Variants in PHACTR2 observed in about 807,000 individuals in gnomAD.
The protein encoded by PHACTR2 is phosphatase and actin regulator 2.
A neutral mutation model predicts 76.0 loss-of-function variants in PHACTR2; 30 were observed. The observed-to-expected ratio is 0.39, with a 90% confidence interval of 0.30 to 0.54. PHACTR2 has a LOEUF of 0.54. Ranked by LOEUF, PHACTR2 falls within the 20% of genes least tolerant of loss-of-function variation. PHACTR2 has a pLI of 0.61. For missense variants in PHACTR2, 696 were observed against 781.1 expected (o/e 0.89, Z 1.30); for synonymous variants, 292 against 292.5 (o/e 1.00, Z 0.02).
chr6:143,667,480 TATG>T (rs1165592538), intron 1 of PHACTR2, among the ~76,000 whole-genome samples: 1 of 152,006 alleles, frequency 6.6e-6, no homozygotes, highest in Non-Finnish European at 1.5e-5. Flanking sequence ...TGGCCATTTT[TATG>T]ATATTGATTC....
At chr6:143,579,577 C>G (rs117371742) in intron 1 of PHACTR2, among the ~76,000 whole-genome samples, 1 of 151,876 alleles carries the variant, frequency 6.6e-6, no homozygotes, top group Non-Finnish European at 1.5e-5. Context: ...CCAAGGAACC[C>G]CCCCAATAAG....
At chr6:143,607,767 C>T (rs1276586912), upstream of PHACTR2, among the ~76,000 whole-genome samples, 1 of 152,156 alleles carries the variant, frequency 6.6e-6, no homozygotes, top group Non-Finnish European at 1.5e-5. Flanking sequence ...CCAACAACAA[C>T]CAAAACACTT....
At chr6:143,690,185 T>C (rs568120327) in intron 1 of PHACTR2, among the ~76,000 whole-genome samples, 1 of 152,366 alleles carries the variant, frequency 6.6e-6, no homozygotes, top group Admixed American at 6.5e-5. Flanking sequence ...TCTCTTGTTA[T>C]GTATTTAACG....
At position 143,625,591 on chromosome 6, in the gene PHACTR2, T is replaced by C. The variant is rs772373459; in HGVS notation, c.13+17269T>C. 2.6e-5 allele frequency among the ~76,000 whole-genome samples: 4 copies of C among 152,238 alleles called. No homozygotes were observed. The highest frequency in any genetic ancestry group is 4.4e-5 in the Non-Finnish European group (3 of 68,040). On this transcript the variant is annotated intron_variant, in intron 1 of 11. Transcript: ENST00000305766. This position sits in a 1 kb window ranked among gnomAD's most constrained non-coding sequence, Gnocchi z 4.3. ...CAATAGATGTAATATCACCAGTGAC[T>C]GTGGGAACTTTGCAATTTGCTAAAA... is the stretch of plus-strand genomic sequence containing the variant.
In PHACTR2 at chr6:143,611,537, T is replaced by C. The variant is rs1366293720; in HGVS notation, c.13+3215T>C. Reference sequence around the variant, plus strand: ...AGTAATAGAAACTCTATGCATTTAATTTTCTCATTGGTAAGGGGTGACAAT... The same window carrying C: ...AGTAATAGAAACTCTATGCATTTAACTTTCTCATTGGTAAGGGGTGACAAT... On this transcript the variant is annotated intron_variant, in intron 1 of 11. Coordinates refer to the PHACTR2 transcript ENST00000305766. This position sits in a 1 kb window ranked among gnomAD's most constrained non-coding sequence, Gnocchi z 4.4. 6.6e-6 allele frequency among the ~76,000 whole-genome samples: 1 copy of C among 152,210 alleles called. No individual in the cohort carries two copies. Among genetic ancestry groups the C allele is most frequent in the African/African-American group, 2.4e-5 (1 of 41,448 alleles).
rs1776958871 is a variant in PHACTR2 at position 143,662,210 on chromosome 6, T to C, written c.14-49806T>C. On this transcript the variant is annotated intron_variant, in intron 1 of 11. Coordinates refer to the PHACTR2 transcript ENST00000305766. The surrounding 1 kb of genome is among the most constrained non-coding windows in gnomAD (Gnocchi z 4.7). ...ATCCATTTTATATTAAAAAGCCTCT[T>C]CAATATGCACAACTTACCCTAGAGA... is the stretch of plus-strand genomic sequence containing the variant. Among the ~76,000 whole-genome samples the C allele has an allele frequency of 6.6e-6, 1 of 152,160 alleles. No homozygotes were observed. Among genetic ancestry groups the C allele is most frequent in the Non-Finnish European group, 1.5e-5 (1 of 68,018 alleles).
chr6:143,710,519 C>A lies in PHACTR2; in HGVS notation c.47-1497C>A, dbSNP rs538555164. ...ACCAGCCTGGGCAACATGGTGAAACCCCGTCTCTACTAAAAATACAAAAAT... is the reference window on the plus strand; with the variant it reads ...ACCAGCCTGGGCAACATGGTGAAACACCGTCTCTACTAAAAATACAAAAAT... On this transcript the variant is annotated intron_variant, in intron 1 of 12. Coordinates refer to ENST00000440869, the MANE Select transcript of PHACTR2 (RefSeq NM_001100164.2). This position sits in a 1 kb window ranked among gnomAD's most constrained non-coding sequence, Gnocchi z 4.9. Among the ~76,000 whole-genome samples the A allele has an allele frequency of 8.9e-4, 136 of 152,164 alleles. 1 individual carries two copies. The highest frequency in any genetic ancestry group is 3.2e-3 in the African/African-American group (131 of 41,508).
intron 1 of PHACTR2, among the ~76,000 whole-genome samples, chr6:143,668,360 T>C (rs2128450068): frequency 6.6e-6 from 1 of 152,216 alleles, no homozygotes; most frequent in East Asian, 1.9e-4. Flanking sequence ...CTCTGCCAGG[T>C]TTTGGTATCA....
intron 1 of PHACTR2, among the ~76,000 whole-genome samples, chr6:143,702,200 C>G (rs1010424744): frequency 1.4e-5 from 2 of 147,992 alleles, no homozygotes; most frequent in Admixed American, 1.4e-4. Context: ...CTCCGCCTTC[C>G]TGGTTCAAGC....
chr6:143,643,290 C>T (rs776298098), intron 1 of PHACTR2, among the ~76,000 whole-genome samples: 5 of 152,118 alleles, frequency 3.3e-5, no homozygotes, highest in Admixed American at 6.5e-5. Flanking sequence ...CCAAATTTAA[C>T]GTCCCTTCTA....
At position 143,664,172 on chromosome 6, in the gene PHACTR2, T is replaced by G. The variant is rs1776994046; in HGVS notation, c.14-47844T>G. Among the ~76,000 whole-genome samples, 1 of 152,152 alleles carries G rather than the reference T, an allele frequency of 6.6e-6. No individual in the cohort carries two copies. The highest frequency in any genetic ancestry group is 1.5e-5 in the Non-Finnish European group (1 of 67,992). ...ATAATATGTCCCTCTATACTATTTG[T>G]TATTTTACCTTCAGTTTTAATTTAT... On this transcript the variant is annotated intron_variant, in intron 1 of 11. Transcript: ENST00000305766. The surrounding 1 kb of genome is among the most constrained non-coding windows in gnomAD (Gnocchi z 5.1).
Position 143,547,592 on chromosome 6 carries a change from G to T in PHACTR2, c.217+10385G>T, listed in dbSNP as rs1775019554. ...GACATTTGTAGAAGGGACCCAATCA[G>T]ATATGAATGAGAGGATTACTAAGTA... On this transcript the variant is annotated intron_variant, in intron 1 of 11. Coordinates refer to the PHACTR2 transcript ENST00000367584. The surrounding 1 kb of genome is among the most constrained non-coding windows in gnomAD (Gnocchi z 4.2). Among the ~76,000 whole-genome samples, 1 of 152,208 alleles carries T rather than the reference G, an allele frequency of 6.6e-6. No homozygotes were observed. The highest frequency in any genetic ancestry group is 1.5e-5 in the Non-Finnish European group (1 of 68,044).
chr6:143,771,158 G>GTATATATATATATGTGTATA (rs1775100314), intron 6 of PHACTR2, among the ~76,000 whole-genome samples: 1 of 14,562 alleles, frequency 6.9e-5, no homozygotes, highest in African/African-American at 1.5e-4. Flanking sequence ...ATATATATAT[G>GTATATATATATATGTGTATA]TATATATATA....
chr6:143,655,780 C>G (rs922589456), intron 1 of PHACTR2, among the ~76,000 whole-genome samples: 1 of 152,200 alleles, frequency 6.6e-6, no homozygotes, highest in Non-Finnish European at 1.5e-5. Flanking sequence ...CACATACTTG[C>G]TATTATCTCT....
chr6:143,829,790 C>T lies in PHACTR2; in HGVS notation c.*6101C>T, dbSNP rs1197369110. 2 of 152,030 alleles carry T rather than the reference C, an allele frequency of 1.3e-5. No individual in the cohort carries two copies. The highest frequency in any genetic ancestry group is 1.9e-4 in the East Asian group (1 of 5,196). 9.4% of individuals were successfully genotyped at this position (152,030 alleles called of 1,614,324 possible). A position where few individuals can be genotyped will look rare whatever the true frequency, so the allele number is the denominator to read the frequency against. On this transcript the variant is annotated 3_prime_UTR_variant, in exon 13 of 13. Coordinates refer to ENST00000440869, the MANE Select transcript of PHACTR2 (RefSeq NM_001100164.2). ...CTAAATTGTTTTTGGGGCCGAGTAA[C>T]GCAGAGTCAATAAAGGTGGTTATAT...
chr6:143,555,758 C>G (rs149985318), intron 1 of PHACTR2, among the ~76,000 whole-genome samples: 4 of 152,106 alleles, frequency 2.6e-5, no homozygotes, highest in Admixed American at 2.6e-4. Context: ...CCTACCTCAT[C>G]GTGTGAATTG....
At chr6:143,736,319 C>T (rs1778818701) in intron 2 of PHACTR2, among the ~76,000 whole-genome samples, 1 of 152,042 alleles carries the variant, frequency 6.6e-6, no homozygotes, top group Non-Finnish European at 1.5e-5. Flanking sequence ...TAGGTAATCA[C>T]CCTAAGTTCC....
intron 1 of PHACTR2, among the ~76,000 whole-genome samples, chr6:143,702,127 C>CTTTTTTT (rs909954007): frequency 5.7e-5 from 6 of 105,758 alleles, no homozygotes; most frequent in East Asian, 2.6e-4. Flanking sequence ...GTCTTCTTTG[C>CTTTTTTT]TTTTTTTTTT....
chr6:143,666,275 C>A (rs1261141785), intron 1 of PHACTR2, among the ~76,000 whole-genome samples: 2 of 152,180 alleles, frequency 1.3e-5, no homozygotes, highest in Non-Finnish European at 2.9e-5. Flanking sequence ...TCCAGTCTAT[C>A]ATTGATGTAC....
Sources: gnomAD v4.1 joint callset for allele counts (sites outside exome capture counted in the v4.1 genomes callset) on GRCh38, gnomAD v4.1.1 for gene constraint, Gnocchi (gnomAD v3.1) non-coding constraint, MANE v1.5 for transcripts, NCBI Gene and HGNC (gene_info 2026-07-23, HGNC 2026-07-21) for gene names.